Variants in ING3 observed in about 807,000 individuals in gnomAD.
ING3 encodes inhibitor of growth protein 3.
In ING3, 6 loss-of-function variants were observed where a neutral mutation model predicts 64.8. That is an observed-to-expected ratio of 0.09 (90% CI 0.05 to 0.18). ING3 has a LOEUF of 0.18. ING3 is among the 10% of genes least tolerant of loss of function. The pLI is 1.00. For missense variants in ING3, 310 were observed against 489.7 expected, an observed-to-expected ratio of 0.63 and a Z score of 3.46; for synonymous variants, 170 against 173.7, an observed-to-expected ratio of 0.98 and a Z score of 0.17.
intron 4 of ING3, among the ~76,000 whole-genome samples, chr7:120,957,601 G>C (rs535202122): frequency 6.9e-4 from 105 of 152,284 alleles, no homozygotes; most frequent in African/African-American, 2.5e-3. Flanking sequence ...TTTGAACAGA[G>C]TTTGTTTAGA....
At position 120,950,860 on chromosome 7, in the gene ING3, C is replaced by G; in HGVS notation, c.-37C>G. ...CGACAGCGAGTGACACAAATAAACC[C>G]CTGGACCCCCTTGTTCCCTCAGCTC... On this transcript the variant is annotated 5_prime_UTR_variant, in exon 1 of 12. Coordinates refer to ENST00000315870, the MANE Select transcript of ING3 (RefSeq NM_019071.3). The G allele has an allele frequency of 6.2e-7, 1 of 1,612,956 alleles. No homozygotes were observed. The highest frequency in any genetic ancestry group is 1.1e-5 in the South Asian group (1 of 91,040).
Position 120,969,031 on chromosome 7 carries a change from A to G in ING3, c.735A>G (p.Thr245=), listed in dbSNP as rs1362097697. The G allele has an allele frequency of 6.2e-7, 1 of 1,613,146 alleles. No individual in the cohort carries two copies. ...TTAAGATGAAGGAGGGACGAAGAAC[A>G]TCAAGTTTAAAAGCCAGTTATGAAG... is the stretch of plus-strand genomic sequence containing the variant. ...ATAQMKEGRR[T]SSLKASYEAF... Residue 245 remains threonine (T), a synonymous_variant, in exon 9 of 12, where the codon ACA becomes ACG. Transcript: ENST00000315870.
chr7:120,962,659 G>A (rs117346671), intron 4 of ING3, among the ~76,000 whole-genome samples: 2 of 151,920 alleles, frequency 1.3e-5, no homozygotes, highest in Non-Finnish European at 2.9e-5. Flanking sequence ...CATATTACAC[G>A]CTACATCATA....
Position 120,958,427 on chromosome 7 carries a change from T to C in ING3, c.267+2803T>C, listed in dbSNP as rs1224554258. ...CCCGGTTCACAGTTCTCTGTTGCAA[T>C]CATCTTATACTACCTAGTCATCTAC... On this transcript the variant is annotated intron_variant, in intron 4 of 11. Transcript: ENST00000315870. Among the ~76,000 whole-genome samples the C allele has an allele frequency of 3.3e-5, 5 of 152,320 alleles. No individual in the cohort carries two copies. The East Asian group carries it at 9.6e-4, about 29-fold the overall frequency.
Position 120,969,165 on chromosome 7 carries a change from G to T in ING3, c.869G>T (p.Ser290Ile). The T allele has an allele frequency of 1.9e-6, 3 of 1,613,792 alleles. No individual in the cohort carries two copies. The highest frequency in any genetic ancestry group is 2.5e-6 in the Non-Finnish European group (3 of 1,179,830). The change falls in exon 9 of 12, where the codon AGT (serine) becomes ATT (isoleucine). Residue 290 changes from serine to isoleucine, a missense_variant. This residue lies in a region of ING3 where 233 missense variants were observed against 289.4 expected (regional missense o/e 0.81). Coordinates refer to ENST00000315870, the MANE Select transcript of ING3 (RefSeq NM_019071.3). ...ATGACAACATTAACACAGAATGCCA[G>T]TTCATCAGCAGCCGACTCACGGAGT... ...ALMTTLTQNA[S>I]SSAADSRSGR... is the part of the protein sequence containing the mutation.
At chr7:120,973,090 T>C (rs1796090370) in intron 10 of ING3, 115 bp from the exon 11 acceptor site, 1 of 625,978 alleles carries the variant, frequency 1.6e-6, no homozygotes, top group Admixed American at 2.9e-5. Flanking sequence ...TCAATGTAAT[T>C]GTATATTCAG....
intron 5 of ING3, among the ~76,000 whole-genome samples, chr7:120,965,827 A>G (rs1283766941): frequency 2.0e-5 from 3 of 152,198 alleles, no homozygotes; most frequent in Non-Finnish European, 4.4e-5. Context: ...TTTCTTCTGG[A>G]GGAACCCTAT....
At chr7:120,968,602 T>C (rs1796027296) in intron 8 of ING3, among the ~76,000 whole-genome samples, 1 of 152,136 alleles carries the variant, frequency 6.6e-6, no homozygotes, top group South Asian at 2.1e-4. Flanking sequence ...CCCAGCTCTT[T>C]GATAGGCCGA....
Position 120,969,102 on chromosome 7 carries a change from C to T in ING3, c.806C>T (p.Ala269Val). ...DFQLGKEFSM[A>V]RETVGYSSSS... The stretch of plus-strand genomic sequence containing the variant: ...CAGTTGGGAAAAGAATTTTCAATGG[C>T]CAGGGAAACAGTTGGCTATTCATCA... The change falls in exon 9 of 12, where the codon GCC becomes GTC. Residue 269 changes from alanine (A) to valine (V), a missense_variant. This residue lies in a region of ING3 where 233 missense variants were observed against 289.4 expected (regional missense o/e 0.81). Coordinates refer to ENST00000315870, the MANE Select transcript of ING3 (RefSeq NM_019071.3). 1 of 1,613,742 alleles carries T rather than the reference C, an allele frequency of 6.2e-7. No homozygotes were observed. Among genetic ancestry groups the T allele is most frequent in the Non-Finnish European group, 8.5e-7 (1 of 1,179,758 alleles).
In ING3 at chr7:120,970,778, A is replaced by G. The variant is rs2116688955; in HGVS notation, c.999A>G (p.Gln333=). 1.2e-6 allele frequency: 2 copies of G among 1,613,948 alleles called. No individual in the cohort carries two copies. Among genetic ancestry groups the G allele is most frequent in the Middle Eastern group, 3.3e-4 (2 of 6,060 alleles). ...GTTCTTCATCATCAACTGTTGTACA[A>G]GAAATCTCTCAACAAACAACTGTAG... ...SSCSSSSTVV[Q]EISQQTTVVP... Residue 333 remains glutamine, a synonymous_variant, in exon 10 of 12, where the codon CAA becomes CAG. Coordinates refer to ENST00000315870, the MANE Select transcript of ING3 (RefSeq NM_019071.3).
intron 8 of ING3, among the ~76,000 whole-genome samples, chr7:120,968,650 G>A (rs1484047640): frequency 1.3e-5 from 2 of 151,982 alleles, no homozygotes; most frequent in African/African-American, 4.8e-5. Flanking sequence ...TTCAAAACCA[G>A]CCTGGTCAAC....
At chr7:120,951,060 T>A in intron 1 of ING3, 104 bp from the exon 2 acceptor site, 4 of 1,503,920 alleles carry the variant, frequency 2.7e-6, no homozygotes, top group Non-Finnish European at 3.7e-6. Context: ...GCAGCCTCGT[T>A]GTGGGCTGCC....
At chr7:120,972,947 C>T (rs982274054) in intron 10 of ING3, among the ~76,000 whole-genome samples, 3 of 152,090 alleles carry the variant, frequency 2.0e-5, no homozygotes, top group African/African-American at 7.2e-5. Flanking sequence ...AAGATGACTC[C>T]TTCATCCGGG....
chr7:120,951,711 AAACTT>A (rs1795768610), intron 2 of ING3, among the ~76,000 whole-genome samples: 1 of 152,244 alleles, frequency 6.6e-6, no homozygotes, highest in African/African-American at 2.4e-5. Flanking sequence ...CAAATTTTGA[AAACTT>A]AGTTACACAT....
chr7:120,953,518 C>A, intron 3 of ING3, 114 bp downstream of exon 3: 1 of 623,160 alleles, frequency 1.6e-6, no homozygotes, highest in Non-Finnish European at 2.8e-6. Flanking sequence ...ATCAATGACT[C>A]CTTAGAATAT....
intron 4 of ING3, chr7:120,956,088 G>A (rs377670520): frequency 1.8e-5 from 17 of 963,194 alleles, no homozygotes; most frequent in African/African-American, 1.3e-4. Flanking sequence ...TTAAAAGATC[G>A]TATGTAACAG....
At chr7:120,955,537 A>T in intron 3 of ING3, 22 bp from the exon 4 acceptor site, 1 of 1,526,944 alleles carries the variant, frequency 6.5e-7, no homozygotes, top group Non-Finnish European at 9.0e-7. Flanking sequence ...TTTATTTTTG[A>T]AATGAAAATG....
chr7:120,953,804 A>C (rs893911927), intron 3 of ING3, among the ~76,000 whole-genome samples: 14 of 152,206 alleles, frequency 9.2e-5, no homozygotes, highest in Non-Finnish European at 1.6e-4. Context: ...GAAGAACGAA[A>C]TCTTAAAAGT....
At chr7:120,972,292 G>A (rs1312382449) in intron 10 of ING3, among the ~76,000 whole-genome samples, 1 of 152,024 alleles carries the variant, frequency 6.6e-6, no homozygotes, top group Non-Finnish European at 1.5e-5. Flanking sequence ...GCATGCTTCA[G>A]TTTCTTCACA....
Sources: allele counts gnomAD v4.1 joint callset (sites outside exome capture counted in the v4.1 genomes callset), GRCh38; gene constraint gnomAD v4.1.1; regional missense constraint gnomAD v4.1.1; transcripts MANE v1.5; gene names NCBI Gene and HGNC (gene_info 2026-07-23, HGNC 2026-07-21).